The following SH2B1 variants were observed in gnomAD, a reference collection of about 807,000 sequenced individuals.
SH2B1 encodes SH2B adaptor protein 1, also known as SH2B adapter protein 1.
Under a neutral mutation model 62.6 loss-of-function variants are expected in SH2B1, and 15 were observed. The ratio of observed to expected loss-of-function variants is 0.24; its 90% CI spans 0.16 to 0.37. SH2B1 has a LOEUF of 0.37. Among genes scored for constraint, SH2B1 ranks in the 10% least tolerant of loss-of-function variants. The pLI, the probability that SH2B1 is intolerant of heterozygous loss-of-function variation, is 1.00. For synonymous variants in SH2B1, 443 were observed against 438.0 expected (o/e 1.01, Z -0.14); for missense variants, 925 against 1,015.6 (o/e 0.91, Z 1.21).
chr16:28,859,571 C>T (rs1047438352), upstream of SH2B1, among the ~76,000 whole-genome samples: 3 of 151,922 alleles, frequency 2.0e-5, no homozygotes, highest in African/African-American at 4.8e-5. Context: ...GGGAGCCAGG[C>T]GTGGGTCATG....
At position 28,865,028 on chromosome 16, in the gene SH2B1, T is replaced by C. The variant is rs1962609161; in HGVS notation, c.-1067T>C. The C allele has an allele frequency of 1.1e-6, 1 of 930,076 alleles. No individual in the cohort carries two copies. The highest frequency in any genetic ancestry group is 1.3e-6 in the Non-Finnish European group (1 of 779,562). 57.6% of individuals were successfully genotyped at this position (930,076 alleles called of 1,614,324 possible). ...CTCATAAGGTGGCTGGACTGGGTGC[T>C]CATAAGGTGGTTTGAGCCCTGGTCT... On this transcript the variant is annotated 5_prime_UTR_variant, in exon 1 of 8. Coordinates refer to ENST00000684370, the MANE Select transcript of SH2B1 (RefSeq NM_001387430.1).
chr16:28,867,298 A>G (rs771083382), intron 1 of SH2B1, 33 bp from the exon 2 acceptor site: 2 of 1,544,854 alleles, frequency 1.3e-6, no homozygotes, highest in South Asian at 1.1e-5. Flanking sequence ...TTGGAAACCA[A>G]ACACCCAGAT....
intron 1 of SH2B1, among the ~76,000 whole-genome samples, chr16:28,852,572 A>G (rs1347267439): frequency 1.7e-5 from 1 of 57,220 alleles, no homozygotes; most frequent in African/African-American, 8.9e-5. Context: ...ATATATACAC[A>G]TATATATTTA....
rs1459655227 is a variant in SH2B1, at chr16:28,852,537, TATTTATATATATACAC to T, written c.-301+5713_-301+5728del. Among the ~76,000 whole-genome samples, 175 of 47,578 alleles carry T rather than the reference TATTTATATATATACAC, an allele frequency of 3.7e-3. 71 individuals carry two copies. Among genetic ancestry groups the T allele is most frequent in the East Asian group, 0.017 (26 of 1,496 alleles). 31.2% of individuals were successfully genotyped at this position (47,578 alleles called of 152,430 possible). A position where few individuals can be genotyped will look rare whatever the true frequency, so the allele number is the denominator to read the frequency against. On this transcript the variant is annotated intron_variant, in intron 1 of 10. Transcript: ENST00000322610. ...ACATATATTTATATATATACACATA[TATTTATATATATACAC>T]ATATTTATATATATACACATATATA...
chr16:28,859,867 G>GCC (rs1425400229), upstream of SH2B1, among the ~76,000 whole-genome samples: 4 of 97,926 alleles, frequency 4.1e-5, no homozygotes, highest in Non-Finnish European at 8.4e-5. Flanking sequence ...TAAACCAATA[G>GCC]ACCCCCCCCC....
At chr16:28,867,275 G>A in intron 1 of SH2B1, 56 bp from the exon 2 acceptor site, 2 of 1,403,310 alleles carry the variant, frequency 1.4e-6, no homozygotes, top group Admixed American at 3.4e-5. Context: ...TGGAGGGAGG[G>A]GAAGAGTGGT....
At chr16:28,859,876 C>G (rs111526019), upstream of SH2B1, among the ~76,000 whole-genome samples, 2,755 of 112,260 alleles carry the variant, frequency 0.025, 146 homozygotes, top group African/African-American at 0.077. Flanking sequence ...AGACCCCCCC[C>G]CCCCGGCTGT....
Position 28,872,351 on chromosome 16 carries a change from A to T in SH2B1, c.1675A>T (p.Thr559Ser), listed in dbSNP as rs1014940473. Reference protein sequence around the residue: ...HGVFLVRQSETRRGEYVLTFN... With the variant: ...HGVFLVRQSESRRGEYVLTFN... ...TGTCTTCCTGGTGCGCCAGAGTGAG[A>T]CAAGGCGGGGTGAATACGTCCTCAC... Residue 559 changes from threonine (T) to serine (S), a missense_variant, in exon 6 of 8, where the codon ACA becomes TCA. By Grantham distance (58) the Thr-to-Ser change is moderately conservative (BLOSUM62 1). This residue lies in a region of SH2B1 where 57 missense variants were observed against 122.1 expected (regional missense o/e 0.47). Transcript: ENST00000684370. The surrounding 1 kb of genome is among the most constrained non-coding windows in gnomAD (Gnocchi z 5.3). 3 of 1,613,368 alleles carry T rather than the reference A, an allele frequency of 1.9e-6. No individual in the cohort carries two copies. Among genetic ancestry groups the T allele is most frequent in the African/African-American group, 2.7e-5 (2 of 74,924 alleles).
chr16:28,869,430 C>A (rs371307590), intron 4 of SH2B1, 47 bp downstream of exon 4: 2 of 1,560,630 alleles, frequency 1.3e-6, no homozygotes, highest in Non-Finnish European at 1.7e-6. Context: ...ACCTGCCATG[C>A]GGGGCCCCTG....
rs767572070 is a variant in SH2B1 at position 28,866,209 on chromosome 16, C to G, written c.115C>G (p.Leu39Val). ...TGAGTCCCACGCCCGGGCTGCGGCT[C>G]TGGACTTTGCCCGCCGTTTTCGCCT... Reference protein sequence around the residue: ...FCESHARAAALDFARRFRLYL... With the variant: ...FCESHARAAAVDFARRFRLYL... Residue 39 changes from leucine to valine, a missense_variant, in exon 1 of 8, where the codon CTG becomes GTG. This residue lies in a region of SH2B1 where 683 missense variants were observed against 704.0 expected (regional missense o/e 0.97). Coordinates refer to ENST00000684370, the MANE Select transcript of SH2B1 (RefSeq NM_001387430.1). The surrounding 1 kb of genome is among the most constrained non-coding windows in gnomAD (Gnocchi z 6.3). 6 of 1,604,996 alleles carry G rather than the reference C, an allele frequency of 3.7e-6. No individual in the cohort carries two copies. Among genetic ancestry groups the G allele is most frequent in the Non-Finnish European group, 5.1e-6 (6 of 1,177,340 alleles).
rs928671130 is a variant in SH2B1 at position 28,873,669 on chromosome 16, C to T, written c.2120C>T (p.Ala707Val). ...GTCCCCGTGGTTGAATTGGAAGAGG[C>T]CATAGCCCCAGGCTCAGAGGCCCAG... ...ELVPVVELEE[A>V]IAPGSEAQGA... is the part of the protein sequence containing the mutation. The change falls in exon 8 of 8, where the codon GCC (alanine) becomes GTC (valine). Residue 707 changes from alanine to valine, a missense_variant. Coordinates refer to ENST00000684370, the MANE Select transcript of SH2B1 (RefSeq NM_001387430.1). The surrounding 1 kb of genome is among the most constrained non-coding windows in gnomAD (Gnocchi z 4.2). 7.9e-6 allele frequency: 12 copies of T among 1,527,290 alleles called. No individual in the cohort carries two copies. The African/African-American group carries it at 1.5e-4, about 19-fold the overall frequency. 94.6% of individuals were successfully genotyped at this position (1,527,290 alleles called of 1,614,324 possible). A position where few individuals can be genotyped will look rare whatever the true frequency, so the allele number is the denominator to read the frequency against.
rs1312966657 is a variant in SH2B1, at chr16:28,852,358, A to G, written c.-301+5531A>G. On this transcript the variant is annotated intron_variant, in intron 1 of 10. Coordinates refer to the SH2B1 transcript ENST00000322610. ...TATATATTTACATATATATTTATAT[A>G]TATATTTATATATATTTACATATAT... Among the ~76,000 whole-genome samples, 3 of 90,314 alleles carry G rather than the reference A, an allele frequency of 3.3e-5. 1 individual carries two copies. Among genetic ancestry groups the G allele is most frequent in the Non-Finnish European group, 5.6e-5 (3 of 53,102 alleles). The allele number at this position is 90,314 out of a possible 152,430, so 59.2% of individuals were successfully genotyped here.
Position 28,873,320 on chromosome 16 carries a change from G to T in SH2B1, c.1898-127G>T, listed in dbSNP as rs751220650. 9 of 1,582,636 alleles carry T rather than the reference G, an allele frequency of 5.7e-6. No individual in the cohort carries two copies. Among genetic ancestry groups the T allele is most frequent in the Non-Finnish European group, 6.9e-6 (8 of 1,159,596 alleles). ...CGCCCATGATCCATCTTCCATGGAT[G>T]GGGGGTTGCTCAGGAGATGGGATGT... On this transcript the variant is annotated intron_variant, in intron 7 of 7. Coordinates refer to ENST00000684370, the MANE Select transcript of SH2B1 (RefSeq NM_001387430.1). This position sits in a 1 kb window ranked among gnomAD's most constrained non-coding sequence, Gnocchi z 4.2.
chr16:28,857,955 G>A (rs994433052), intron 1 of SH2B1, among the ~76,000 whole-genome samples: 2 of 151,938 alleles, frequency 1.3e-5, no homozygotes, highest in African/African-American at 4.8e-5. Context: ...TAGCCAGGAT[G>A]GTCTCGATCT....
upstream of SH2B1, among the ~76,000 whole-genome samples, chr16:28,859,819 A>C (rs1191862214): frequency 6.6e-6 from 1 of 151,276 alleles, no homozygotes; most frequent in Non-Finnish European, 1.5e-5. Flanking sequence ...GGCTCCAGCC[A>C]TGCCTGAAGT....
Position 28,867,921 on chromosome 16 carries a change from C to T in SH2B1, c.1041+489C>T, listed in dbSNP as rs1018355018. Among the ~76,000 whole-genome samples the T allele has an allele frequency of 2.0e-5, 3 of 152,220 alleles. No individual in the cohort carries two copies. The East Asian group carries it at 5.8e-4, about 29-fold the overall frequency. ...TTGGCTCACTGCAACCTCTGCCTCCCAGGTTCAAGCGATTCTTGTGCCTCA... is the reference window on the plus strand; with the variant it reads ...TTGGCTCACTGCAACCTCTGCCTCCTAGGTTCAAGCGATTCTTGTGCCTCA... On this transcript the variant is annotated intron_variant, in intron 2 of 7. Coordinates refer to ENST00000684370, the MANE Select transcript of SH2B1 (RefSeq NM_001387430.1).
intron 1 of SH2B1, among the ~76,000 whole-genome samples, chr16:28,853,126 A>T (rs1274740908): frequency 4.7e-5 from 6 of 128,236 alleles, no homozygotes; most frequent in African/African-American, 1.8e-4. Context: ...ATATATATTT[A>T]TGTATACATT....
At position 28,852,364 on chromosome 16, in the gene SH2B1, T is replaced by G. The variant is rs1473652077; in HGVS notation, c.-301+5537T>G. On this transcript the variant is annotated intron_variant, in intron 1 of 10. Transcript: ENST00000322610. Reference sequence around the variant, plus strand: ...TTTACATATATATTTATATATATATTTATATATATTTACATATATTTATAT... The same window carrying G: ...TTTACATATATATTTATATATATATGTATATATATTTACATATATTTATAT... Among the ~76,000 whole-genome samples, 2 of 83,658 alleles carry G rather than the reference T, an allele frequency of 2.4e-5. 1 individual carries two copies. The highest frequency in any genetic ancestry group is 1.2e-4 in the African/African-American group (2 of 16,600). 54.9% of individuals were successfully genotyped at this position (83,658 alleles called of 152,430 possible).
In SH2B1 at chr16:28,873,314, A is replaced by G. The variant is rs1192770350; in HGVS notation, c.1898-133A>G. ...CACCACCGCCCATGATCCATCTTCC[A>G]TGGATGGGGGGTTGCTCAGGAGATG... On this transcript the variant is annotated intron_variant, in intron 7 of 7. Transcript: ENST00000684370. This position sits in a 1 kb window ranked among gnomAD's most constrained non-coding sequence, Gnocchi z 4.2. 3 of 1,594,384 alleles carry G rather than the reference A, an allele frequency of 1.9e-6. No homozygotes were observed. The highest frequency in any genetic ancestry group is 3.4e-5 in the Admixed American group (2 of 58,948).
Sources: gnomAD v4.1 joint callset for allele counts (sites outside exome capture counted in the v4.1 genomes callset) on GRCh38, gnomAD v4.1.1 for gene constraint, gnomAD v4.1.1 regional missense constraint, Gnocchi (gnomAD v3.1) non-coding constraint, MANE v1.5 for transcripts, NCBI Gene and HGNC (gene_info 2026-07-23, HGNC 2026-07-21) for gene names.